GLIS3: variants seen among roughly 807,000 people sequenced by gnomAD.
The protein encoded by GLIS3 is zinc finger protein GLIS3.
In GLIS3, 53 loss-of-function variants were observed where a neutral mutation model predicts 78.6. That is an observed-to-expected ratio of 0.67 (90% CI 0.54 to 0.85). The LOEUF is 0.85. Among genes scored for constraint, GLIS3 ranks in the 40% least tolerant of loss-of-function variants. The pLI, the probability that GLIS3 is intolerant of heterozygous loss-of-function variation, is 0.00. For missense variants in GLIS3, 1,703 were observed against 1,231.1 expected (o/e 1.38, Z -5.74); for synonymous variants, 684 against 509.9 (o/e 1.34, Z -4.60).
chr9:3,859,969 A>T (rs1223599014), intron 8 of GLIS3, among the ~76,000 whole-genome samples: 1 of 152,186 alleles, frequency 6.6e-6, no homozygotes, highest in African/African-American at 2.4e-5. Flanking sequence ...ACAGATTTTA[A>T]AACCTCATAA....
chr9:4,156,747 A>C (rs1366693401), intron 2 of GLIS3, among the ~76,000 whole-genome samples: 1 of 152,068 alleles, frequency 6.6e-6, no homozygotes, highest in Non-Finnish European at 1.5e-5. Flanking sequence ...CCCTTATCTG[A>C]TGAGGAGGAC....
chr9:3,973,944 A>G (rs2130932940), intron 4 of GLIS3, among the ~76,000 whole-genome samples: 1 of 152,320 alleles, frequency 6.6e-6, no homozygotes, highest in African/African-American at 2.4e-5. Flanking sequence ...AGCCTCACAG[A>G]TCTATGTTAG....
chr9:4,199,428 C>G (rs1399542625), intron 2 of GLIS3, among the ~76,000 whole-genome samples: 1 of 150,274 alleles, frequency 6.7e-6, no homozygotes, highest in African/African-American at 2.5e-5. Context: ...TCATATAAAA[C>G]AGACTTTTAT....
chr9:4,331,129 A>G (rs922036707), intron 2 of GLIS3, among the ~76,000 whole-genome samples: 1 of 83,158 alleles, frequency 1.2e-5, no homozygotes, highest in African/African-American at 2.7e-5. Context: ...CAGTTCTAGA[A>G]GCTGTAAGTC....
chr9:4,117,592 G>A (rs946035625), intron 4 of GLIS3, among the ~76,000 whole-genome samples, 176 bp downstream of exon 4: 3 of 152,124 alleles, frequency 2.0e-5, no homozygotes, highest in African/African-American at 7.2e-5. Flanking sequence ...TAGCAATGGA[G>A]AGCCACTAAC....
the GLIS3 span, among the ~76,000 whole-genome samples, chr9:4,397,484 C>T: frequency 0.014 from 2,151 of 151,616 alleles, 70 homozygotes; most frequent in African/African-American, 0.05. Flanking sequence ...GGATGTGTCC[C>T]ACTGCTTCCC....
At chr9:4,319,534 C>CT (rs5896062) in intron 2 of GLIS3, among the ~76,000 whole-genome samples, 54,795 of 150,476 alleles carry the variant, frequency 0.36, 10,077 homozygotes, top group East Asian at 0.5. Flanking sequence ...AATACTAACA[C>CT]TTTTTTTTTT....
At chr9:4,392,231 G>A in the GLIS3 span, among the ~76,000 whole-genome samples, 4 of 151,580 alleles carry the variant, frequency 2.6e-5, no homozygotes, top group Non-Finnish European at 5.9e-5. Context: ...CACACACTAG[G>A]GCCTGTCGTG....
chr9:4,130,826 C>T (rs1271750174), intron 2 of GLIS3, among the ~76,000 whole-genome samples: 1 of 152,200 alleles, frequency 6.6e-6, no homozygotes, highest in Admixed American at 6.5e-5. Context: ...AAGAGGGACA[C>T]CATCTTCCAG....
intron 2 of GLIS3, among the ~76,000 whole-genome samples, chr9:4,316,362 G>C (rs937365961): frequency 6.6e-6 from 1 of 152,116 alleles, no homozygotes; most frequent in African/African-American, 2.4e-5. Flanking sequence ...TCCTTAACTG[G>C]ACTGACTTTA....
At position 3,824,657 on chromosome 9, in the gene GLIS3, G is replaced by A. The variant is rs1817631186; in HGVS notation, c.*3615C>T. On this transcript the variant is annotated 3_prime_UTR_variant, in exon 11 of 11. Transcript: ENST00000381971. ...GTACCTAATTCTTTAAAAGATTTATGACAATAAGCACCAGATGTGCCTCTA... is the reference window on the plus strand; with the variant it reads ...GTACCTAATTCTTTAAAAGATTTATAACAATAAGCACCAGATGTGCCTCTA... 6.6e-6 allele frequency: 1 copy of A among 152,514 alleles called. No individual in the cohort carries two copies. The highest frequency in any genetic ancestry group is 2.1e-4 in the South Asian group (1 of 4,820). The allele number at this position is 152,514 out of a possible 1,614,324, so 9.4% of individuals were successfully genotyped here. A position where few individuals can be genotyped will look rare whatever the true frequency, so the allele number is the denominator to read the frequency against.
chr9:3,855,883 C>T lies in GLIS3; in HGVS notation c.2473+126G>A, dbSNP rs1032785212. The T allele has an allele frequency of 8.7e-6, 9 of 1,034,992 alleles. No homozygotes were observed. The South Asian group carries it at 1.0e-4, about 12-fold the overall frequency. 64.1% of individuals were successfully genotyped at this position (1,034,992 alleles called of 1,614,324 possible). A position where few individuals can be genotyped will look rare whatever the true frequency, so the allele number is the denominator to read the frequency against. On this transcript the variant is annotated intron_variant, in intron 9 of 10. Coordinates refer to ENST00000381971, the MANE Select transcript of GLIS3 (RefSeq NM_001042413.2). Reference sequence around the variant, plus strand: ...CCTATCAAGTGTGAAATTTTAGAGGCAAGTCATGAAAGCCTAAGCCTGGTG... The same window carrying T: ...CCTATCAAGTGTGAAATTTTAGAGGTAAGTCATGAAAGCCTAAGCCTGGTG...
intron 3 of GLIS3, among the ~76,000 whole-genome samples, chr9:4,119,882 T>C (rs561532381): frequency 1.5e-4 from 23 of 152,378 alleles, no homozygotes; most frequent in African/African-American, 5.5e-4. Context: ...TCTTGATCTT[T>C]TGGCTAACTT....
intron 2 of GLIS3, among the ~76,000 whole-genome samples, chr9:4,190,433 T>C (rs555997485): frequency 0.078 from 11,533 of 148,074 alleles, 850 homozygotes; most frequent in Non-Finnish European, 0.1. Flanking sequence ...AGGGTATCAG[T>C]GATGGAAGAT....
At chr9:4,189,774 T>C (rs887282817) in intron 2 of GLIS3, among the ~76,000 whole-genome samples, 1 of 152,190 alleles carries the variant, frequency 6.6e-6, no homozygotes, top group Non-Finnish European at 1.5e-5. Flanking sequence ...CTTTTGATCT[T>C]TGCTGGTTTA....
the GLIS3 span, among the ~76,000 whole-genome samples, chr9:4,452,244 T>G: frequency 6.6e-6 from 1 of 152,158 alleles, no homozygotes; most frequent in Non-Finnish European, 1.5e-5. Context: ...CTGGAAGCAT[T>G]CCTTTTGAAA....
intron 4 of GLIS3, among the ~76,000 whole-genome samples, chr9:3,938,282 A>G (rs1324623549): frequency 6.6e-6 from 1 of 152,258 alleles, no homozygotes; most frequent in Non-Finnish European, 1.5e-5. Context: ...AAAGCAATTA[A>G]GAAGCCTCAC....
chr9:4,242,943 T>C (rs1196163457), intron 2 of GLIS3, among the ~76,000 whole-genome samples: 2 of 152,208 alleles, frequency 1.3e-5, no homozygotes, highest in Non-Finnish European at 2.9e-5. Context: ...ACACTATATT[T>C]CTATTAGATA....
At position 4,118,797 on chromosome 9, in the gene GLIS3, C is replaced by G. The variant is rs775388804; in HGVS notation, c.681G>C (p.Trp227Cys). The change falls in exon 4 of 11, where the codon TGG (tryptophan) becomes TGC (cysteine). Residue 227 changes from tryptophan to cysteine, a missense_variant. Coordinates refer to ENST00000381971, the MANE Select transcript of GLIS3 (RefSeq NM_001042413.2). The surrounding 1 kb of genome is among the most constrained non-coding windows in gnomAD (Gnocchi z 4.7). ...AAGGGAGGGCCCTGTAGCCCTGGGACCACTCCTGCTTCATGCTTGAGGCCG... is the reference window on the plus strand; with the variant it reads ...AAGGGAGGGCCCTGTAGCCCTGGGAGCACTCCTGCTTCATGCTTGAGGCCG... The part of the protein sequence containing the change: ...SQSASSMKQE[W>C]SQGYRALPSL... 3.1e-6 allele frequency: 5 copies of G among 1,610,992 alleles called. No homozygotes were observed. The highest frequency in any genetic ancestry group is 3.4e-6 in the Non-Finnish European group (4 of 1,179,994).
Sources: gnomAD v4.1 joint callset for allele counts (sites outside exome capture counted in the v4.1 genomes callset) on GRCh38, gnomAD v4.1.1 for gene constraint, Gnocchi (gnomAD v3.1) non-coding constraint, MANE v1.5 for transcripts, NCBI Gene and HGNC (gene_info 2026-07-23, HGNC 2026-07-21) for gene names.